The following ATP10B variants were observed in gnomAD, a reference collection of about 807,000 sequenced individuals.
ATP10B encodes ATPase phospholipid transporting 10B (putative).
In ATP10B, 122 loss-of-function variants were observed where a neutral mutation model predicts 141.2. The ratio of observed to expected loss-of-function variants is 0.86; its 90% CI spans 0.75 to 1.00. The LOEUF (loss-of-function observed/expected upper bound fraction) is 1.00. ATP10B is among the 50% of genes least tolerant of loss of function. The probability of loss-of-function intolerance (pLI) is 0.00; values close to 1 mark genes in which losing one functional copy is unlikely to be tolerated. For missense variants in ATP10B, 1,876 were observed against 1,825.3 expected (o/e 1.03, Z -0.51); for synonymous variants, 685 against 692.0 (o/e 0.99, Z 0.16).
At chr5:160,653,898 G>A (rs1351224634) in intron 7 of ATP10B, among the ~76,000 whole-genome samples, 3 of 56,508 alleles carry the variant, frequency 5.3e-5, no homozygotes, top group African/African-American at 2.3e-4. Flanking sequence ...AATATATGTA[G>A]TATATACGTA....
chr5:160,892,377 C>G, the ATP10B span, among the ~76,000 whole-genome samples: 1 of 152,220 alleles, frequency 6.6e-6, no homozygotes, highest in Non-Finnish European at 1.5e-5. Context: ...TGAACTATGT[C>G]CCCCAAACGT....
chr5:160,719,330 G>C (rs543451834), intron 2 of ATP10B, among the ~76,000 whole-genome samples: 100 of 152,354 alleles, frequency 6.6e-4, no homozygotes, highest in Non-Finnish European at 1.1e-3. Flanking sequence ...AACCCGGGAG[G>C]CAGAGCTTGC....
At position 160,612,743 on chromosome 5, in the gene ATP10B, G is replaced by T. The variant is rs1757788259; in HGVS notation, c.2836C>A (p.Gln946Lys). The change falls in exon 18 of 26, where the codon CAG becomes AAG. Residue 946 changes from glutamine to lysine, a missense_variant and splice_region_variant. Coordinates refer to ENST00000327245, the MANE Select transcript of ATP10B (RefSeq NM_025153.3). The part of the protein sequence containing the change: ...DTVYTINTEN[Q>K]ETCESILNCA... Reference sequence around the variant, plus strand: ...ATCAATACAGAGAATCACCTCACCTGATTCTCTGTATTGATGGTATAAACA... The same window carrying T: ...ATCAATACAGAGAATCACCTCACCTTATTCTCTGTATTGATGGTATAAACA... 6.2e-7 allele frequency: 1 copy of T among 1,612,438 alleles called. No individual in the cohort carries two copies. Among genetic ancestry groups the T allele is most frequent in the Non-Finnish European group, 8.5e-7 (1 of 1,178,924 alleles).
At chr5:160,704,713 A>G (rs1764874703) in intron 3 of ATP10B, among the ~76,000 whole-genome samples, 1 of 151,068 alleles carries the variant, frequency 6.6e-6, no homozygotes, top group Non-Finnish European at 1.5e-5. Flanking sequence ...CTACATTAAA[A>G]ACTCATCTAC....
At chr5:160,896,861 A>G in the ATP10B span, among the ~76,000 whole-genome samples, 1 of 152,224 alleles carries the variant, frequency 6.6e-6, no homozygotes, top group Non-Finnish European at 1.5e-5. Flanking sequence ...AGTTGGCTTC[A>G]TCCCTGGGAT....
At chr5:160,742,200 T>G (rs1273078954) in intron 2 of ATP10B, among the ~76,000 whole-genome samples, 1 of 152,278 alleles carries the variant, frequency 6.6e-6, no homozygotes. Context: ...TCTTGAAATA[T>G]GTGAGGTGAC....
intron 25 of ATP10B, among the ~76,000 whole-genome samples, chr5:160,568,432 G>A (rs1754681624): frequency 6.6e-6 from 1 of 152,094 alleles, no homozygotes; most frequent in South Asian, 2.1e-4. Flanking sequence ...TCTAATTTTG[G>A]GATAAAAAGT....
At chr5:160,766,731 A>G (rs1000322188) in intron 2 of ATP10B, among the ~76,000 whole-genome samples, 7 of 152,232 alleles carry the variant, frequency 4.6e-5, no homozygotes, top group Non-Finnish European at 8.8e-5. Context: ...GTTCCCCCAA[A>G]ACGATTGAAT....
intron 1 of ATP10B, among the ~76,000 whole-genome samples, chr5:160,813,377 C>T (rs571030452): frequency 2.7e-4 from 41 of 152,340 alleles, no homozygotes; most frequent in African/African-American, 2.4e-5. Context: ...CACAGAGCCT[C>T]GCTCATTGCT....
At chr5:160,671,053 T>C (rs1762664376) in intron 6 of ATP10B, among the ~76,000 whole-genome samples, 1 of 150,782 alleles carries the variant, frequency 6.6e-6, no homozygotes, top group Non-Finnish European at 1.5e-5. Flanking sequence ...TAGTCCCAGC[T>C]GCTCGGGAGG....
At chr5:160,815,899 C>T (rs1011087758) in intron 1 of ATP10B, among the ~76,000 whole-genome samples, 3 of 152,126 alleles carry the variant, frequency 2.0e-5, no homozygotes, top group African/African-American at 7.2e-5. Flanking sequence ...GAACAATCTG[C>T]TCCTGAATGA....
At position 160,852,006 on chromosome 5, in the gene ATP10B, G is replaced by GTATTTC. The variant is rs1753842131; in HGVS notation, c.-647_-642dup. Reference sequence around the variant, plus strand: ...AAGAAAACAGTGCTTGAAAGTGGCGGTATTTCTCTCGCACACCTTGGCTAA... The same window carrying GTATTTC: ...AAGAAAACAGTGCTTGAAAGTGGCGGTATTTCTATTTCTCTCGCACACCTTGGCTAA... On this transcript the variant is annotated 5_prime_UTR_variant, in exon 1 of 26. Coordinates refer to ENST00000327245, the MANE Select transcript of ATP10B (RefSeq NM_025153.3). 1 of 152,054 alleles carries GTATTTC rather than the reference G, an allele frequency of 6.6e-6. No individual in the cohort carries two copies. The highest frequency in any genetic ancestry group is 2.4e-5 in the African/African-American group (1 of 41,400). The allele number at this position is 152,054 out of a possible 1,614,324, so 9.4% of individuals were successfully genotyped here.
At chr5:160,863,883 T>C in the ATP10B span, among the ~76,000 whole-genome samples, 1 of 151,894 alleles carries the variant, frequency 6.6e-6, no homozygotes, top group African/African-American at 2.4e-5. Context: ...GCAACCCTCC[T>C]AGATTAAACT....
intron 7 of ATP10B, among the ~76,000 whole-genome samples, chr5:160,652,952 ATTATAT>A (rs1760972230): frequency 1.2e-5 from 1 of 86,418 alleles, no homozygotes; most frequent in African/African-American, 5.3e-5. Context: ...TATATAATAT[ATTATAT>A]ATACATGTAT....
chr5:160,879,599 G>T, the ATP10B span, among the ~76,000 whole-genome samples: 2 of 151,328 alleles, frequency 1.3e-5, no homozygotes, highest in African/African-American at 4.9e-5. Flanking sequence ...CACACTTTGG[G>T]AGGCCAAGGT....
the ATP10B span, among the ~76,000 whole-genome samples, chr5:160,893,023 T>G: frequency 6.6e-6 from 1 of 152,218 alleles, no homozygotes; most frequent in South Asian, 2.1e-4. Flanking sequence ...CCCAGATACT[T>G]TGCTTTTCCT....
At chr5:160,782,479 ACT>A (rs1415601804) in intron 2 of ATP10B, among the ~76,000 whole-genome samples, 15 of 140,014 alleles carry the variant, frequency 1.1e-4, no homozygotes, top group South Asian at 2.3e-4. Flanking sequence ...ACACACACAC[ACT>A]CACTCACTTT....
the ATP10B span, among the ~76,000 whole-genome samples, chr5:160,889,987 C>G: frequency 1.3e-5 from 2 of 152,260 alleles, no homozygotes; most frequent in East Asian, 1.9e-4. Flanking sequence ...CTAGTGAATT[C>G]TTTGGAAGAT....
Position 160,794,992 on chromosome 5 carries a change from A to G in ATP10B, c.-575-9189T>C, listed in dbSNP as rs188783144. Among the ~76,000 whole-genome samples, 199 of 152,296 alleles carry G rather than the reference A, an allele frequency of 1.3e-3. 1 individual carries two copies. The highest frequency in any genetic ancestry group is 1.1e-3 in the Non-Finnish European group (75 of 68,030). ...TTATTGTCTCCCCAGCACTATGCAC[A>G]CTGCCTGGCAGAGTACCCTTAATAT... On this transcript the variant is annotated intron_variant, in intron 1 of 25. Transcript: ENST00000327245.
Sources: gnomAD v4.1 joint callset for allele counts (sites outside exome capture counted in the v4.1 genomes callset) on GRCh38, gnomAD v4.1.1 for gene constraint, MANE v1.5 for transcripts, NCBI Gene and HGNC (gene_info 2026-07-23, HGNC 2026-07-21) for gene names.